Variants in PIGQ observed in about 807,000 individuals in gnomAD.
PIGQ encodes the protein phosphatidylinositol N-acetylglucosaminyltransferase subunit Q.
A neutral mutation model predicts 60.3 loss-of-function variants in PIGQ; 54 were observed. The ratio of observed to expected loss-of-function variants is 0.90; its 90% CI spans 0.72 to 1.12. PIGQ has a LOEUF of 1.12. Among genes scored for constraint, PIGQ ranks in the 50% most tolerant of loss-of-function variants. The pLI is 0.00. For synonymous variants in PIGQ, 416 were observed against 363.7 expected (o/e 1.14, Z -1.64); for missense variants, 799 against 793.5 (o/e 1.01, Z -0.08).
intron 4 of PIGQ, 115 bp downstream of exon 4, chr16:576,369 A>C: frequency 3.5e-5 from 43 of 1,243,066 alleles, no homozygotes; most frequent in South Asian, 4.4e-5. Flanking sequence ...TACCTTCTCC[A>C]TGCTCTGGAG....
chr16:578,490 A>G lies in PIGQ; in HGVS notation c.1054A>G (p.Ile352Val). The change falls in exon 5 of 11, where the codon ATC becomes GTC. Residue 352 changes from isoleucine (I) to valine (V), a missense_variant. Coordinates refer to ENST00000321878, the MANE Select transcript of PIGQ (RefSeq NM_004204.5). ...QVLGRFFLYH[I>V]HLWISYIHLM... is the part of the protein sequence containing the mutation. ...GCTGGGCCGCTTCTTCCTCTACCAC[A>G]TCCACCTGTGGATCAGTGAGTGCAG... The G allele has an allele frequency of 6.2e-7, 1 of 1,612,318 alleles. No homozygotes were observed. The highest frequency in any genetic ancestry group is 8.5e-7 in the Non-Finnish European group (1 of 1,179,714).
At chr16:573,488 C>T (rs1052723879) in intron 1 of PIGQ, among the ~76,000 whole-genome samples, 2 of 152,150 alleles carry the variant, frequency 1.3e-5, no homozygotes, top group Non-Finnish European at 2.9e-5. Flanking sequence ...TTGTGGGAGG[C>T]AGGGACCTTC....
chr16:580,105 A>C, intron 7 of PIGQ, 78 bp from the exon 8 acceptor site: 1 of 1,097,108 alleles, frequency 9.1e-7, no homozygotes, highest in Non-Finnish European at 1.3e-6. Context: ...CAGCTCCGGG[A>C]TGGGGGAGGG....
In PIGQ at chr16:584,004, G is replaced by A. The variant is rs1426300978; in HGVS notation, c.*969G>A. ...GGATGACGCGCTGTGGGTGGGAGGA[G>A]GCAGCGCCCATCTCAGCAGCACCAG... On this transcript the variant is annotated 3_prime_UTR_variant, in exon 11 of 11. Coordinates refer to ENST00000321878, the MANE Select transcript of PIGQ (RefSeq NM_004204.5). 1.6e-5 allele frequency: 6 copies of A among 369,584 alleles called. No homozygotes were observed. The highest frequency in any genetic ancestry group is 3.7e-5 in the Admixed American group (1 of 26,702). 22.9% of individuals were successfully genotyped at this position (369,584 alleles called of 1,614,324 possible).
Position 582,871 on chromosome 16 carries a change from T to C in PIGQ, c.1594-12T>C. On this transcript the variant is annotated splice_polypyrimidine_tract_variant and intron_variant, in intron 10 of 10. Coordinates refer to ENST00000321878, the MANE Select transcript of PIGQ (RefSeq NM_004204.5). ...CAGACCACCCCACTGACCGCTGCCC[T>C]TGTCCTTCCAGATAAACCCACTGCC... 2.5e-6 allele frequency: 4 copies of C among 1,588,672 alleles called. No individual in the cohort carries two copies. Among genetic ancestry groups the C allele is most frequent in the Non-Finnish European group, 3.4e-6 (4 of 1,164,732 alleles).
At chr16:578,083 T>G in intron 4 of PIGQ, 3 of 294,328 alleles carry the variant, frequency 1.0e-5, no homozygotes, top group Non-Finnish European at 1.9e-5. Context: ...GTGGCCGAGG[T>G]AGTGAGAGGG....
intron 1 of PIGQ, 70 bp from the exon 2 acceptor site, chr16:573,996 G>A: frequency 2.6e-6 from 3 of 1,139,122 alleles, no homozygotes; most frequent in Non-Finnish European, 3.7e-6. Flanking sequence ...GGCCGTCTGT[G>A]CAACATCCCG....
At chr16:579,886 T>C (rs944485901) in intron 7 of PIGQ, 5 of 285,984 alleles carry the variant, frequency 1.7e-5, no homozygotes, top group Admixed American at 5.2e-5. Context: ...CGTCTGCTGC[T>C]CACACTTGCC....
Position 580,866 on chromosome 16 carries a change from C to T in PIGQ, c.1425C>T (p.Leu475=). 1 of 1,491,294 alleles carries T rather than the reference C, an allele frequency of 6.7e-7. No homozygotes were observed. Among genetic ancestry groups the T allele is most frequent in the Non-Finnish European group, 9.3e-7 (1 of 1,075,486 alleles). 92.4% of individuals were successfully genotyped at this position (1,491,294 alleles called of 1,614,324 possible). ...ATGCTCCTCTGCCACAGCTCCGGCT[C>T]CTGGTGGTCGCCGTGCAGGGCCTGA... is the stretch of plus-strand genomic sequence containing the variant. ...LYYLVFTLLR[L]LVVAVQGLIH... The change falls in exon 9 of 11, where the codon CTC becomes CTT. Residue 475 remains leucine (L), a synonymous_variant. Transcript: ENST00000321878.
At position 583,267 on chromosome 16, in the gene PIGQ, G is replaced by A. The variant is rs766553261; in HGVS notation, c.*232G>A. 6.2e-7 allele frequency: 1 copy of A among 1,612,760 alleles called. No individual in the cohort carries two copies. The highest frequency in any genetic ancestry group is 8.5e-7 in the Non-Finnish European group (1 of 1,179,960). ...CTCCATCACTGGCACTGCCTGCCTT[G>A]GGACCCGCTTCCCACCTGCTGCGGT... is the stretch of plus-strand genomic sequence containing the variant. On this transcript the variant is annotated 3_prime_UTR_variant, in exon 11 of 11. Coordinates refer to ENST00000321878, the MANE Select transcript of PIGQ (RefSeq NM_004204.5).
intron 9 of PIGQ, chr16:581,394 C>T: frequency 9.1e-7 from 1 of 1,103,436 alleles, no homozygotes; most frequent in South Asian, 2.3e-5. Context: ...ACAGCACAGC[C>T]TGCGCCCGTC....
In PIGQ at chr16:583,823, C is replaced by T. The variant is rs776584805; in HGVS notation, c.*788C>T. The T allele has an allele frequency of 2.1e-5, 15 of 703,904 alleles. 1 individual carries two copies. The South Asian group carries it at 2.4e-4, about 11-fold the overall frequency. 43.6% of individuals were successfully genotyped at this position (703,904 alleles called of 1,614,324 possible). A position where few individuals can be genotyped will look rare whatever the true frequency, so the allele number is the denominator to read the frequency against. ...GAAGGAGGAAGCCCTGCTGTGCAGA[C>T]ACCTCTGTGGCCCCCCAGGAGTGTG... On this transcript the variant is annotated 3_prime_UTR_variant, in exon 11 of 11. Transcript: ENST00000321878.
chr16:570,254 T>A (rs902932259), intron 1 of PIGQ, 158 bp downstream of exon 1: 1 of 151,926 alleles, frequency 6.6e-6, no homozygotes, highest in African/African-American at 2.4e-5. Flanking sequence ...TGGGCCCCTG[T>A]GGACCCTGTG....
At chr16:571,248 TCTGGCTA>T (rs1596380477) in intron 1 of PIGQ, among the ~76,000 whole-genome samples, 1 of 145,370 alleles carries the variant, frequency 6.9e-6, no homozygotes, top group Non-Finnish European at 1.5e-5. Flanking sequence ...TGTGTGTGTG[TCTGGCTA>T]GCCTGTGTGT....
chr16:572,690 A>T (rs1596381477), intron 1 of PIGQ: 3 of 443,684 alleles, frequency 6.8e-6, no homozygotes, highest in Admixed American at 2.4e-5. Context: ...CGTGGTGGGC[A>T]CTGGGACCTC....
In PIGQ at chr16:576,202, A is replaced by C. The variant is rs1479438663; in HGVS notation, c.890A>C (p.His297Pro). ...GGCCTCATGCTGCTGTCCTGGCTCC[A>C]CGGGAGAAGCCGCATCGGGCATCTG... ...ALGLMLLSWL[H>P]GRSRIGHLAD... Residue 297 changes from histidine to proline, a missense_variant, in exon 4 of 11, where the codon CAC becomes CCC. His to Pro is a moderately conservative substitution (Grantham distance 77). Transcript: ENST00000321878. 1.5e-5 allele frequency: 24 copies of C among 1,550,206 alleles called. No homozygotes were observed. Among genetic ancestry groups the C allele is most frequent in the Non-Finnish European group, 1.9e-5 (22 of 1,147,164 alleles).
intron 1 of PIGQ, among the ~76,000 whole-genome samples, chr16:572,893 C>G (rs1426701768): frequency 6.6e-6 from 1 of 152,226 alleles, no homozygotes; most frequent in Non-Finnish European, 1.5e-5. Context: ...CAAGCTATGT[C>G]CCTCCCTCGA....
intron 9 of PIGQ, chr16:581,246 T>A: frequency 7.1e-7 from 1 of 1,401,624 alleles, no homozygotes; most frequent in Non-Finnish European, 9.5e-7. Flanking sequence ...TTCTTCTGCC[T>A]TGGGATTTTC....
intron 1 of PIGQ, among the ~76,000 whole-genome samples, chr16:571,531 CTGGCGCCTGTGTG>C (rs2035628147): frequency 1.3e-5 from 1 of 74,898 alleles, no homozygotes; most frequent in African/African-American, 5.9e-5. Flanking sequence ...TCTGGCTAGC[CTGGCGCCTGTGTG>C]TGTGTGTGTC....
Sources: allele counts gnomAD v4.1 joint callset (sites outside exome capture counted in the v4.1 genomes callset), GRCh38; gene constraint gnomAD v4.1.1; transcripts MANE v1.5; gene names NCBI Gene and HGNC (gene_info 2026-07-23, HGNC 2026-07-21).